HLA-DQB1: variants seen among roughly 807,000 people sequenced by gnomAD.
The protein encoded by HLA-DQB1 is HLA class II histocompatibility antigen, DQ beta 1 chain.
Under a neutral mutation model 26.4 loss-of-function variants are expected in HLA-DQB1, and 13 were observed. The observed-to-expected ratio is 0.49, with a 90% CI of 0.32 to 0.78. HLA-DQB1 has a LOEUF of 0.78. HLA-DQB1 is among the 30% of genes least tolerant of loss of function. The pLI is 0.03. For missense variants in HLA-DQB1, 158 were observed against 326.2 expected (o/e 0.48, Z 3.97); for synonymous variants, 60 against 129.1 (o/e 0.46, Z 3.63).
intron 4 of HLA-DQB1, among the ~76,000 whole-genome samples, chr6:32,661,144 G>T (rs34643393): frequency 0.069 from 7,315 of 106,102 alleles, 553 homozygotes; most frequent in Middle Eastern, 0.16. Context: ...AGGATGCCCT[G>T]GAATAAGCTC....
At chr6:32,665,649 G>C (rs9274462) in intron 1 of HLA-DQB1, among the ~76,000 whole-genome samples, 27,141 of 129,800 alleles carry the variant, frequency 0.21, 3,652 homozygotes, top group Middle Eastern at 0.25. Flanking sequence ...ATTTATTCAT[G>C]GAAAGAGCAC....
Position 32,664,908 on chromosome 6 carries a change from GCA to G in HLA-DQB1, c.267_268del (p.Ala90ArgfsTer77), listed in dbSNP as rs1491450942. 1 of 1,373,090 alleles carries G rather than the reference GCA, an allele frequency of 7.3e-7. No individual in the cohort carries two copies. Among genetic ancestry groups the G allele is most frequent in the Non-Finnish European group, 1.0e-6 (1 of 975,688 alleles). 85.1% of individuals were successfully genotyped at this position (1,373,090 alleles called of 1,614,324 possible). ...TTCCTTCTGGCTGTTCCAGTACTCG[GCA>G]TCAGGCCGCCCCTGCGGCGTCACCG... On this transcript the variant is annotated frameshift_variant, in exon 2 of 5. Coordinates refer to ENST00000434651, the Ensembl canonical transcript of HLA-DQB1. LOFTEE classifies it high-confidence loss of function.
At chr6:32,665,232 T>C (rs9274421) in intron 1 of HLA-DQB1, among the ~76,000 whole-genome samples, 165 bp from the exon 2 acceptor site, 81,211 of 118,590 alleles carry the variant, frequency 0.68, 30,868 homozygotes, top group South Asian at 0.86. Context: ...TCTGCCCAGC[T>C]CTGCCCGCCT....
exon 5 of HLA-DQB1, chr6:32,660,108 C>T (rs113664950): frequency 0.033 from 15,068 of 462,962 alleles, 2,426 homozygotes; most frequent in Middle Eastern, 0.09. Context: ...CTGGTGGCTG[C>T]GTGACAGCCA....
Position 32,661,468 on chromosome 6 carries a change from G to GA in HLA-DQB1, c.662-12dup, listed in dbSNP as rs796867572. 1.3e-6 allele frequency: 1 copy of GA among 774,740 alleles called. No homozygotes were observed. Among genetic ancestry groups the GA allele is most frequent in the Non-Finnish European group, 1.8e-6 (1 of 563,600 alleles). The allele number at this position is 774,740 out of a possible 1,614,324, so 48.0% of individuals were successfully genotyped here. A position where few individuals can be genotyped will look rare whatever the true frequency, so the allele number is the denominator to read the frequency against. ...ATTCAGACTGAGCCCCTAAAGAGCA[G>GA]AACTGAGTGTCTGTGTTTGTCCCCA... On this transcript the variant is annotated splice_polypyrimidine_tract_variant and intron_variant, in intron 3 of 4. Coordinates refer to ENST00000434651, the Ensembl canonical transcript of HLA-DQB1.
At chr6:32,661,570 T>C (rs28724243) in intron 3 of HLA-DQB1, 113 bp from the exon 4 acceptor site, 61,994 of 606,004 alleles carry the variant, frequency 0.1, 11,111 homozygotes, top group East Asian at 0.36. Flanking sequence ...GGAACCTAGT[T>C]CTCCATTCAG....
rs9282143 is a variant in HLA-DQB1, at chr6:32,663,415, G to GAAAGTATCGTTTTGTCC, written c.380-1168_380-1167insGGACAAAACGATACTTT. On this transcript the variant is annotated intron_variant, in intron 2 of 4. Transcript: ENST00000434651. Reference sequence around the variant, plus strand: ...TGATTAATCATGAATTTTCAATGCCGCATTAACACACAGAACAAACAGGAA... The same window carrying GAAAGTATCGTTTTGTCC: ...TGATTAATCATGAATTTTCAATGCCGAAAGTATCGTTTTGTCCCATTAACACACAGAACAAACAGGAA... The GAAAGTATCGTTTTGTCC allele has an allele frequency of 2.1e-4, 27 of 126,806 alleles. 2 individuals carry two copies. Among genetic ancestry groups the GAAAGTATCGTTTTGTCC allele is most frequent in the Middle Eastern group, 4.0e-3 (1 of 250 alleles). 7.9% of individuals were successfully genotyped at this position (126,806 alleles called of 1,614,324 possible). A position where few individuals can be genotyped will look rare whatever the true frequency, so the allele number is the denominator to read the frequency against.
intron 4 of HLA-DQB1, among the ~76,000 whole-genome samples, 149 bp downstream of exon 4, chr6:32,661,194 AAAAT>A: frequency 1.2e-5 from 1 of 85,868 alleles, no homozygotes; most frequent in Non-Finnish European, 2.6e-5. Flanking sequence ...TTCAACCAGT[AAAAT>A]CAGATTCCAA....
rs77615586 is a variant in HLA-DQB1, at chr6:32,660,392, T to C, written c.773-143A>G. On this transcript the variant is annotated intron_variant, in intron 4 of 4. Coordinates refer to ENST00000434651, the Ensembl canonical transcript of HLA-DQB1. Reference sequence around the variant, plus strand: ...TTGTCATCACCTCCCCCAAGATCTGTGCAAAGGTGAAATCAGCTCATGAGG... The same window carrying C: ...TTGTCATCACCTCCCCCAAGATCTGCGCAAAGGTGAAATCAGCTCATGAGG... 3.2e-4 allele frequency: 142 copies of C among 441,540 alleles called. 6 individuals carry two copies. Among genetic ancestry groups the C allele is most frequent in the African/African-American group, 2.6e-3 (130 of 49,734 alleles). 27.4% of individuals were successfully genotyped at this position (441,540 alleles called of 1,614,324 possible).
At chr6:32,662,203 T>C in exon 3 of HLA-DQB1, 2 of 1,487,926 alleles carry the variant, frequency 1.3e-6, no homozygotes, top group Non-Finnish European at 9.1e-7. Context: ...GTTGTGGTGG[T>C]TGAGGGCCTC....
chr6:32,664,679 C>T (rs28746789), intron 2 of HLA-DQB1, 119 bp downstream of exon 2: 8,993 of 340,460 alleles, frequency 0.026, 2,678 homozygotes, highest in South Asian at 0.21. Context: ...GCCTCCTTTC[C>T]CCTGGGGTGG....
intron 3 of HLA-DQB1, 124 bp downstream of exon 3, chr6:32,661,843 T>A: frequency 1.3e-6 from 1 of 787,860 alleles, no homozygotes. Flanking sequence ...GAGCAAGAGG[T>A]GCTCTAGTCT....
chr6:32,660,398 G>T (rs950140460), intron 4 of HLA-DQB1, 149 bp from the exon 5 acceptor site: 5 of 432,986 alleles, frequency 1.2e-5, no homozygotes, highest in Admixed American at 4.3e-5. Flanking sequence ...TCTGTGCAAA[G>T]GTGAAATCAG....
At chr6:32,661,904 A>G in intron 3 of HLA-DQB1, 63 bp downstream of exon 3, 1 of 1,121,114 alleles carries the variant, frequency 8.9e-7, no homozygotes, top group Non-Finnish European at 1.3e-6. Flanking sequence ...ATGGGAAGGA[A>G]TGGGTCAGAA....
chr6:32,664,559 G>A (rs9274341), intron 2 of HLA-DQB1: 13,805 of 196,298 alleles, frequency 0.07, 2,320 homozygotes, highest in African/African-American at 0.13. Flanking sequence ...GAGGCCGACG[G>A]ACGGGGAGGC....
At chr6:32,660,138 G>A in exon 5 of HLA-DQB1, 1 of 577,174 alleles carries the variant, frequency 1.7e-6, no homozygotes, top group Admixed American at 3.6e-5. Flanking sequence ...TTTGATCTCA[G>A]GGGGACAAGC....
chr6:32,660,752 C>T (rs1256947620), intron 4 of HLA-DQB1: 1 of 610,174 alleles, frequency 1.6e-6, no homozygotes, highest in Non-Finnish European at 2.8e-6. Flanking sequence ...ATCCTCATAG[C>T]AGCAAATAGG....
At chr6:32,660,844 T>C (rs9273527) in intron 4 of HLA-DQB1, 565,793 of 1,404,922 alleles carry the variant, frequency 0.4, 125,643 homozygotes, top group Middle Eastern at 0.49. Context: ...CACTGGATCA[T>C]GGCTGAAATA....
chr6:32,661,129 T>C (rs35139916), intron 4 of HLA-DQB1, among the ~76,000 whole-genome samples: 2,465 of 120,368 alleles, frequency 0.02, 85 homozygotes, highest in African/African-American at 0.032. Flanking sequence ...CAATGATGAA[T>C]GGTAAGGATG....
Sources: allele counts gnomAD v4.1 joint callset (sites outside exome capture counted in the v4.1 genomes callset), GRCh38; gene constraint gnomAD v4.1.1; transcripts MANE v1.5; gene names NCBI Gene and HGNC (gene_info 2026-07-23, HGNC 2026-07-21).